Variants in ZFAND6 observed in about 807,000 individuals in gnomAD.
The protein encoded by ZFAND6 is zinc finger AN1-type containing 6.
ZFAND6 carries 12 observed loss-of-function variants against 24.5 expected under a neutral mutation model. That is an observed-to-expected ratio of 0.49 (90% CI 0.31 to 0.79). ZFAND6 has a LOEUF of 0.79. ZFAND6 is among the 30% of genes least tolerant of loss of function. ZFAND6 has a pLI of 0.04. For missense variants in ZFAND6, 207 were observed against 245.9 expected, an observed-to-expected ratio of 0.84 and a Z score of 1.06; for synonymous variants, 92 against 81.5, an observed-to-expected ratio of 1.13 and a Z score of -0.69.
chr15:80,114,679 A>G (rs2039784171), intron 2 of ZFAND6, among the ~76,000 whole-genome samples: 1 of 152,210 alleles, frequency 6.6e-6, no homozygotes, highest in Non-Finnish European at 1.5e-5. Flanking sequence ...GTGCTGTTAT[A>G]ATTGAGTTTA....
Position 80,112,940 on chromosome 15 carries a change from C to A in ZFAND6, c.-17-7388C>A, listed in dbSNP as rs1267488705. The A allele has an allele frequency of 9.0e-6, 4 of 444,898 alleles. No individual in the cohort carries two copies. In the East Asian group the frequency reaches 2.1e-4, roughly 23 times the overall value. The allele number at this position is 444,898 out of a possible 1,614,324, so 27.6% of individuals were successfully genotyped here. A position where few individuals can be genotyped will look rare whatever the true frequency, so the allele number is the denominator to read the frequency against. On this transcript the variant is annotated intron_variant, in intron 2 of 6. Coordinates refer to ENST00000261749, the MANE Select transcript of ZFAND6 (RefSeq NM_019006.4). ...GCACTCTTCTGGGATCCATTTGATACAATTGCAAAGAGAATTCACCCATTC... is the reference window on the plus strand; with the variant it reads ...GCACTCTTCTGGGATCCATTTGATAAAATTGCAAAGAGAATTCACCCATTC...
intron 2 of ZFAND6, among the ~76,000 whole-genome samples, chr15:80,112,603 G>T (rs987976964): frequency 6.6e-6 from 1 of 152,108 alleles, no homozygotes; most frequent in Non-Finnish European, 1.5e-5. Flanking sequence ...TCACCATGTT[G>T]GTCAGGCTGG....
rs148590896 is a variant in ZFAND6 at position 80,108,749 on chromosome 15, T to A, written c.-18+10171T>A. Among the ~76,000 whole-genome samples the A allele has an allele frequency of 1.6e-3, 245 of 152,194 alleles. 4 individuals carry two copies. The East Asian group carries it at 0.043, about 27-fold the overall frequency. The stretch of plus-strand genomic sequence containing the variant: ...CTTGTTTTTTTGTTTTTTTTCTTTT[T>A]TTTTGGAGTCTCACTCTGTTGCCCA... On this transcript the variant is annotated intron_variant, in intron 2 of 6. Transcript: ENST00000261749.
At position 80,121,872 on chromosome 15, in the gene ZFAND6, T is replaced by G. The variant is rs1436325235; in HGVS notation, c.263+52T>G. The G allele has an allele frequency of 2.1e-6, 3 of 1,450,114 alleles. No individual in the cohort carries two copies. In the Admixed American group the frequency reaches 6.0e-5, roughly 29 times the overall value. 89.8% of individuals were successfully genotyped at this position (1,450,114 alleles called of 1,614,324 possible). ...GAGAATGCTAATAAAAACTAAAGAG[T>G]ATATTCTGTGTTTGATTAATAAGGA... On this transcript the variant is annotated intron_variant, in intron 4 of 6. Coordinates refer to ENST00000261749, the MANE Select transcript of ZFAND6 (RefSeq NM_019006.4).
intron 6 of ZFAND6, 158 bp downstream of exon 6, chr15:80,131,451 T>G (rs888204834): frequency 1.8e-6 from 1 of 556,966 alleles, no homozygotes; most frequent in Non-Finnish European, 3.0e-6. Flanking sequence ...AAAAATAGCT[T>G]TGATTATACA....
intron 1 of ZFAND6, among the ~76,000 whole-genome samples, chr15:80,063,264 C>T (rs1416290359): frequency 2.0e-5 from 3 of 152,092 alleles, no homozygotes; most frequent in Non-Finnish European, 1.5e-5. Context: ...AACCCAAAAA[C>T]TATTATTTCA....
rs1397670116 is a variant in ZFAND6 at position 80,120,308 on chromosome 15, T to C, written c.-17-20T>C. 1.3e-6 allele frequency: 2 copies of C among 1,486,498 alleles called. No individual in the cohort carries two copies. Among genetic ancestry groups the C allele is most frequent in the Non-Finnish European group, 1.8e-6 (2 of 1,110,236 alleles). The allele number at this position is 1,486,498 out of a possible 1,614,324, so 92.1% of individuals were successfully genotyped here. On this transcript the variant is annotated intron_variant, in intron 2 of 6. Transcript: ENST00000261749. ...GAAGTTACGTGTCTGAGTTCTTTGCTAATTTTATGTAATTTTCAGGTGTGC... is the reference window on the plus strand; with the variant it reads ...GAAGTTACGTGTCTGAGTTCTTTGCCAATTTTATGTAATTTTCAGGTGTGC...
chr15:80,133,988 G>GT (rs766211841), intron 6 of ZFAND6, among the ~76,000 whole-genome samples: 2,305 of 138,714 alleles, frequency 0.017, 24 homozygotes, highest in African/African-American at 0.028. Flanking sequence ...AAGTTGTTGG[G>GT]TTTTTTTTTT....
intron 2 of ZFAND6, among the ~76,000 whole-genome samples, chr15:80,099,617 C>T (rs865939329): frequency 1.8e-5 from 1 of 55,010 alleles, no homozygotes; most frequent in African/African-American, 5.4e-5. Flanking sequence ...ATATGGATAT[C>T]CTTTTTTTTT....
intron 2 of ZFAND6, among the ~76,000 whole-genome samples, chr15:80,118,196 A>C (rs898155175): frequency 6.6e-6 from 1 of 152,082 alleles, no homozygotes; most frequent in African/African-American, 2.4e-5. Context: ...ATCCCGGCTC[A>C]CTGCAACCTC....
rs1226608214 is a variant in ZFAND6 at position 80,121,697 on chromosome 15, G to C, written c.155-15G>C. ...GCATATAGAATCACTAATACGCAATGTGGTACTGTTACAGCAACCTCTGTC... is the reference window on the plus strand; with the variant it reads ...GCATATAGAATCACTAATACGCAATCTGGTACTGTTACAGCAACCTCTGTC... On this transcript the variant is annotated splice_polypyrimidine_tract_variant and intron_variant, in intron 3 of 6. Coordinates refer to ENST00000261749, the MANE Select transcript of ZFAND6 (RefSeq NM_019006.4). 1 of 1,607,934 alleles carries C rather than the reference G, an allele frequency of 6.2e-7. No individual in the cohort carries two copies. Among genetic ancestry groups the C allele is most frequent in the Admixed American group, 1.7e-5 (1 of 59,972 alleles).
chr15:80,062,125 C>T lies in ZFAND6; in HGVS notation c.-181+2316C>T, dbSNP rs948273873. ...TTGTATGTAAAATAAATTATCCTTT[C>T]TGCTGTTCCTCTCCTCCCCTCTAAT... On this transcript the variant is annotated intron_variant, in intron 1 of 6. Transcript: ENST00000261749. Among the ~76,000 whole-genome samples the T allele has an allele frequency of 4.6e-5, 7 of 152,298 alleles. No individual in the cohort carries two copies. In the East Asian group the frequency reaches 1.4e-3, roughly 29 times the overall value.
chr15:80,066,915 A>G (rs1209679292), intron 1 of ZFAND6, among the ~76,000 whole-genome samples: 1 of 151,608 alleles, frequency 6.6e-6, no homozygotes, highest in Non-Finnish European at 1.5e-5. Flanking sequence ...AAAAAAAAAA[A>G]ATTGCAAACA....
At chr15:80,089,259 G>GTTTTTTTTTTTT (rs71453501) in intron 1 of ZFAND6, among the ~76,000 whole-genome samples, 1 of 61,096 alleles carries the variant, frequency 1.6e-5, no homozygotes, top group Non-Finnish European at 2.8e-5. Context: ...GAGTGTGTGT[G>GTTTTTTTTTTTT]TTTTTTTTTT....
intron 5 of ZFAND6, 65 bp from the exon 6 acceptor site, chr15:80,131,115 G>A (rs1158324674): frequency 1.6e-6 from 2 of 1,222,666 alleles, no homozygotes; most frequent in Admixed American, 2.1e-5. Flanking sequence ...ACTAGGGAGG[G>A]TGGGATGAGG....
intron 2 of ZFAND6, among the ~76,000 whole-genome samples, chr15:80,115,631 T>G (rs1447709499): frequency 6.6e-6 from 1 of 152,210 alleles, no homozygotes; most frequent in Non-Finnish European, 1.5e-5. Flanking sequence ...TTTTCAGTCT[T>G]TCTGACTCTT....
At chr15:80,082,864 A>G (rs1299481054) in intron 1 of ZFAND6, among the ~76,000 whole-genome samples, 1 of 152,134 alleles carries the variant, frequency 6.6e-6, no homozygotes, top group Non-Finnish European at 1.5e-5. Flanking sequence ...TTTATTATTC[A>G]ATTGAACTGC....
intron 2 of ZFAND6, among the ~76,000 whole-genome samples, chr15:80,105,601 T>A (rs988676247): frequency 6.6e-6 from 1 of 152,138 alleles, no homozygotes; most frequent in African/African-American, 2.4e-5. Flanking sequence ...ATTCTATGAG[T>A]TAGAAAGGAC....
chr15:80,111,085 G>C (rs1484380805), intron 2 of ZFAND6, among the ~76,000 whole-genome samples: 1 of 152,180 alleles, frequency 6.6e-6, no homozygotes, highest in Non-Finnish European at 1.5e-5. Context: ...TTCAATTGTT[G>C]AGTAATTTCA....
Sources: gnomAD v4.1 joint callset for allele counts (sites outside exome capture counted in the v4.1 genomes callset) on GRCh38, gnomAD v4.1.1 for gene constraint, MANE v1.5 for transcripts, NCBI Gene and HGNC (gene_info 2026-07-23, HGNC 2026-07-21) for gene names.